Variants in ATXN10 observed in about 807,000 individuals in gnomAD.
ATXN10 encodes ataxin-10.
Under a neutral mutation model 52.9 loss-of-function variants are expected in ATXN10, and 28 were observed. The ratio of observed to expected loss-of-function variants is 0.53; its 90% confidence interval spans 0.39 to 0.73. The LOEUF is 0.73. Ranked by LOEUF, ATXN10 falls within the 30% of genes least tolerant of loss-of-function variation. The pLI is 0.00. For missense variants in ATXN10, 565 were observed against 577.0 expected, an observed-to-expected ratio of 0.98 and a Z score of 0.21; for synonymous variants, 226 against 221.5, an observed-to-expected ratio of 1.02 and a Z score of -0.18.
chr22:45,792,714 C>A, intron 9 of ATXN10: 1 of 385,500 alleles, frequency 2.6e-6, no homozygotes, highest in South Asian at 2.3e-5. Context: ...TGCTTTAATT[C>A]AGTCTTTTTT....
chr22:45,699,068 T>C (rs1261209834), intron 3 of ATXN10, among the ~76,000 whole-genome samples: 1 of 152,154 alleles, frequency 6.6e-6, no homozygotes, highest in East Asian at 1.9e-4. Context: ...ATGACGAATA[T>C]ATTATGCCCA....
At chr22:45,782,312 A>T (rs1569062386) in intron 9 of ATXN10, among the ~76,000 whole-genome samples, 1 of 152,228 alleles carries the variant, frequency 6.6e-6, no homozygotes, top group Non-Finnish European at 1.5e-5. Flanking sequence ...ATATTGGTAT[A>T]TATCCCGTAG....
chr22:45,793,709 G>A, intron 9 of ATXN10: 2 of 1,477,636 alleles, frequency 1.4e-6, no homozygotes, highest in Non-Finnish European at 1.8e-6. Context: ...CCATGCTGAG[G>A]CCCTCTTGCC....
intron 10 of ATXN10, among the ~76,000 whole-genome samples, chr22:45,827,314 C>T (rs6007170): frequency 0.036 from 5,549 of 152,082 alleles, 359 homozygotes; most frequent in African/African-American, 0.13. Context: ...AAGCCCTTAT[C>T]GGTAATTATT....
At chr22:45,737,937 A>G (rs1450871788) in intron 7 of ATXN10, among the ~76,000 whole-genome samples, 1 of 152,108 alleles carries the variant, frequency 6.6e-6, no homozygotes, top group African/African-American at 2.4e-5. Flanking sequence ...TCTTGACCTC[A>G]AGTGATCTTC....
At chr22:45,707,946 A>G (rs1924105044) in intron 5 of ATXN10, among the ~76,000 whole-genome samples, 1 of 152,122 alleles carries the variant, frequency 6.6e-6, no homozygotes, top group Admixed American at 6.6e-5. Flanking sequence ...ACATTTTAGG[A>G]GATAGGTGGC....
chr22:45,769,732 C>T lies in ATXN10; in HGVS notation c.1173+29194C>T, dbSNP rs1171480889. Among the ~76,000 whole-genome samples the T allele has an allele frequency of 6.6e-6, 1 of 152,134 alleles. No individual in the cohort carries two copies. Among genetic ancestry groups the T allele is most frequent in the African/African-American group, 2.4e-5 (1 of 41,438 alleles). On this transcript the variant is annotated intron_variant, in intron 9 of 11. Coordinates refer to ENST00000252934, the MANE Select transcript of ATXN10 (RefSeq NM_013236.4). This position sits in a 1 kb window ranked among gnomAD's most constrained non-coding sequence, Gnocchi z 4.2. Reference sequence around the variant, plus strand: ...CCTGGCCAGGAGCCAGGCCTCTTTTCTCTTGCCTTCTCGAGTAGCCTGACA... The same window carrying T: ...CCTGGCCAGGAGCCAGGCCTCTTTTTTCTTGCCTTCTCGAGTAGCCTGACA...
At chr22:45,751,740 G>GGAAAAAAAAAAAAAAAAA (rs1555892667) in intron 9 of ATXN10, among the ~76,000 whole-genome samples, 1 of 45,474 alleles carries the variant, frequency 2.2e-5, no homozygotes, top group Non-Finnish European at 3.7e-5. Context: ...CCTTTTTCTG[G>GGAAAAAAAAAAAAAAAAA]AAAAAAAAAA....
rs973203247 is a variant in ATXN10 at position 45,754,257 on chromosome 22, C to T, written c.1173+13719C>T. Among the ~76,000 whole-genome samples, 1 of 152,222 alleles carries T rather than the reference C, an allele frequency of 6.6e-6. No homozygotes were observed. The highest frequency in any genetic ancestry group is 2.4e-5 in the African/African-American group (1 of 41,454). On this transcript the variant is annotated intron_variant, in intron 9 of 11. Transcript: ENST00000252934. The surrounding 1 kb of genome is among the most constrained non-coding windows in gnomAD (Gnocchi z 5.4). ...TTCAGGTGAAAAAACAGTTTAAATT[C>T]TAGGATATTCTTGCTTTCTACCCAG... is the stretch of plus-strand genomic sequence containing the variant.
Position 45,677,624 on chromosome 22 carries a change from TA to T in ATXN10, c.116+5451del, listed in dbSNP as rs1922754169. ...TGAAGTACTCCTACCTACAACTCAA[TA>T]AAAAAGACTCCTACAACTCAATTTA... is the stretch of plus-strand genomic sequence containing the variant. On this transcript the variant is annotated intron_variant, in intron 1 of 11. Transcript: ENST00000252934. The surrounding 1 kb of genome is among the most constrained non-coding windows in gnomAD (Gnocchi z 4.1). The T allele has an allele frequency of 6.6e-6, 1 of 151,472 alleles. No individual in the cohort carries two copies. Among genetic ancestry groups the T allele is most frequent in the Non-Finnish European group, 1.5e-5 (1 of 67,908 alleles). The allele number at this position is 151,472 out of a possible 1,614,324, so 9.4% of individuals were successfully genotyped here.
chr22:45,702,834 G>C lies in ATXN10; in HGVS notation c.634G>C (p.Glu212Gln), dbSNP rs1265561292. 1 of 1,613,788 alleles carries C rather than the reference G, an allele frequency of 6.2e-7. No individual in the cohort carries two copies. The highest frequency in any genetic ancestry group is 1.3e-5 in the African/African-American group (1 of 75,026). ...DVIDAYQKHPESEWPFLIITD... is the reference protein window; with the variant it reads ...DVIDAYQKHPQSEWPFLIITD... ...CATAGATGCTTACCAAAAACATCCTGAATCAGAATGGCCGTAAGTATCTTG... is the reference window on the plus strand; with the variant it reads ...CATAGATGCTTACCAAAAACATCCTCAATCAGAATGGCCGTAAGTATCTTG... The change falls in exon 5 of 12, where the codon GAA (glutamate) becomes CAA (glutamine). Residue 212 changes from glutamate to glutamine, a missense_variant. By Grantham distance (29) the Glu-to-Gln change is conservative. Coordinates refer to ENST00000252934, the MANE Select transcript of ATXN10 (RefSeq NM_013236.4).
Position 45,840,421 on chromosome 22 carries a change from C to T in ATXN10, c.1238-2570C>T, listed in dbSNP as rs987542644. Among the ~76,000 whole-genome samples the T allele has an allele frequency of 6.6e-6, 1 of 152,100 alleles. No individual in the cohort carries two copies. Among genetic ancestry groups the T allele is most frequent in the African/African-American group, 2.4e-5 (1 of 41,410 alleles). On this transcript the variant is annotated intron_variant, in intron 10 of 11. Coordinates refer to ENST00000252934, the MANE Select transcript of ATXN10 (RefSeq NM_013236.4). This position sits in a 1 kb window ranked among gnomAD's most constrained non-coding sequence, Gnocchi z 5.8. ...GGGTAGCTAAGACAGGGAAGGCTTCCGGGAGACTGTGATACTTGCTGAGTC... is the reference window on the plus strand; with the variant it reads ...GGGTAGCTAAGACAGGGAAGGCTTCTGGGAGACTGTGATACTTGCTGAGTC...
Position 45,844,543 on chromosome 22 carries a change from G to A in ATXN10, c.*872G>A, listed in dbSNP as rs1394645474. On this transcript the variant is annotated 3_prime_UTR_variant, in exon 12 of 12. Coordinates refer to ENST00000252934, the MANE Select transcript of ATXN10 (RefSeq NM_013236.4). ...ACTGAAATTGCAAAAGTACTTTTAGGGAGCAGGAGTTTATTTGACATCTAG... is the reference window on the plus strand; with the variant it reads ...ACTGAAATTGCAAAAGTACTTTTAGAGAGCAGGAGTTTATTTGACATCTAG... 4.6e-5 allele frequency: 7 copies of A among 152,270 alleles called. No individual in the cohort carries two copies. The East Asian group carries it at 1.3e-3, about 29-fold the overall frequency. The allele number at this position is 152,270 out of a possible 1,614,324, so 9.4% of individuals were successfully genotyped here. A position where few individuals can be genotyped will look rare whatever the true frequency, so the allele number is the denominator to read the frequency against.
Position 45,843,529 on chromosome 22 carries a change from A to G in ATXN10, c.1426-140A>G. On this transcript the variant is annotated intron_variant, in intron 11 of 11. Coordinates refer to ENST00000252934, the MANE Select transcript of ATXN10 (RefSeq NM_013236.4). The surrounding 1 kb of genome is among the most constrained non-coding windows in gnomAD (Gnocchi z 4.5). ...GTTTAAAAAACAGAACTCCTTGAAT[A>G]ATATTGCATGAATTGTTTTAGGTTT... The G allele has an allele frequency of 1.3e-6, 1 of 784,518 alleles. No individual in the cohort carries two copies. Among genetic ancestry groups the G allele is most frequent in the Non-Finnish European group, 2.2e-6 (1 of 453,774 alleles). 48.6% of individuals were successfully genotyped at this position (784,518 alleles called of 1,614,324 possible). A position where few individuals can be genotyped will look rare whatever the true frequency, so the allele number is the denominator to read the frequency against.
In ATXN10 at chr22:45,705,181, T is replaced by C. The variant is rs1420523120; in HGVS notation, c.647+2334T>C. ...CGGTTCATATTTTGTTGGGGATTTT[T>C]GAATCTATATTCATAAGGCATATTG... On this transcript the variant is annotated intron_variant, in intron 5 of 11. Transcript: ENST00000252934. This position sits in a 1 kb window ranked among gnomAD's most constrained non-coding sequence, Gnocchi z 5.2. Among the ~76,000 whole-genome samples the C allele has an allele frequency of 6.6e-6, 1 of 152,214 alleles. No homozygotes were observed. The highest frequency in any genetic ancestry group is 6.5e-5 in the Admixed American group (1 of 15,284).
intron 6 of ATXN10, among the ~76,000 whole-genome samples, chr22:45,720,053 G>A (rs138638757): frequency 2.6e-5 from 4 of 152,266 alleles, no homozygotes; most frequent in Admixed American, 2.6e-4. Context: ...ACTCAATAAA[G>A]TGTTCCTCTA....
At position 45,671,879 on chromosome 22, in the gene ATXN10, G is replaced by T; in HGVS notation, c.-185G>T. 1 of 621,792 alleles carries T rather than the reference G, an allele frequency of 1.6e-6. No individual in the cohort carries two copies. The highest frequency in any genetic ancestry group is 3.3e-5 in the East Asian group (1 of 30,646). The allele number at this position is 621,792 out of a possible 1,614,324, so 38.5% of individuals were successfully genotyped here. ...GAGGCGAGTCTGGGCTCAGCCTAGAGCTCTCCGGCGGCGGCGCAGCTTCAG... is the reference window on the plus strand; with the variant it reads ...GAGGCGAGTCTGGGCTCAGCCTAGATCTCTCCGGCGGCGGCGCAGCTTCAG... On this transcript the variant is annotated 5_prime_UTR_variant, in exon 1 of 12. Coordinates refer to ENST00000252934, the MANE Select transcript of ATXN10 (RefSeq NM_013236.4).
chr22:45,750,530 G>A lies in ATXN10; in HGVS notation c.1173+9992G>A, dbSNP rs987382864. On this transcript the variant is annotated intron_variant, in intron 9 of 11. Transcript: ENST00000252934. The surrounding 1 kb of genome is among the most constrained non-coding windows in gnomAD (Gnocchi z 4.2). ...AAACTGAGAGCTGTACCTTGTTCCT[G>A]TATGGAAGTATGGAATATGGGAAAG... Among the ~76,000 whole-genome samples the A allele has an allele frequency of 1.3e-5, 2 of 152,166 alleles. No individual in the cohort carries two copies. The highest frequency in any genetic ancestry group is 1.3e-4 in the Admixed American group (2 of 15,280).
rs1927115444 is a variant in ATXN10 at position 45,780,589 on chromosome 22, C to A, written c.1174-26370C>A. 6.6e-6 allele frequency among the ~76,000 whole-genome samples: 1 copy of A among 152,158 alleles called. No individual in the cohort carries two copies. Among genetic ancestry groups the A allele is most frequent in the African/African-American group, 2.4e-5 (1 of 41,434 alleles). On this transcript the variant is annotated intron_variant, in intron 9 of 11. Transcript: ENST00000252934. The surrounding 1 kb of genome is among the most constrained non-coding windows in gnomAD (Gnocchi z 4.0). Reference sequence around the variant, plus strand: ...AACAGGAAGTCCTGCCTCAGAGGCTCATAGGGAGGATTAGGTCAGATACTA... The same window carrying A: ...AACAGGAAGTCCTGCCTCAGAGGCTAATAGGGAGGATTAGGTCAGATACTA...
Sources: gnomAD v4.1 joint callset for allele counts (sites outside exome capture counted in the v4.1 genomes callset) on GRCh38, gnomAD v4.1.1 for gene constraint, Gnocchi (gnomAD v3.1) non-coding constraint, MANE v1.5 for transcripts, NCBI Gene and HGNC (gene_info 2026-07-23, HGNC 2026-07-21) for gene names.